Variants in ETFA observed in about 807,000 individuals in gnomAD.
ETFA encodes the protein electron transfer flavoprotein subunit alpha.
ETFA carries 22 observed loss-of-function variants against 46.2 expected under a neutral mutation model. That is an observed-to-expected ratio of 0.48 (90% CI 0.34 to 0.68). ETFA has a LOEUF of 0.68. Ranked by LOEUF, ETFA falls within the 30% of genes least tolerant of loss-of-function variation. The pLI is 0.01. For synonymous variants in ETFA, 131 were observed against 139.9 expected, an observed-to-expected ratio of 0.94 and a Z score of 0.45; for missense variants, 345 against 401.1, an observed-to-expected ratio of 0.86 and a Z score of 1.19.
chr15:76,294,310 A>G (rs1000811855), intron 2 of ETFA, among the ~76,000 whole-genome samples: 1 of 152,252 alleles, frequency 6.6e-6, no homozygotes, highest in African/African-American at 2.4e-5. Context: ...TAGCTTAGCC[A>G]TCATATACTG....
intron 9 of ETFA, among the ~76,000 whole-genome samples, chr15:76,248,409 A>C (rs1330382175): frequency 6.6e-6 from 1 of 152,214 alleles, no homozygotes; most frequent in Non-Finnish European, 1.5e-5. Flanking sequence ...TATAAACCAA[A>C]ATGTGAAGGA....
chr15:76,259,077 C>A, intron 9 of ETFA: 1 of 1,580,212 alleles, frequency 6.3e-7, no homozygotes, highest in Non-Finnish European at 8.7e-7. Context: ...CTCTGCCTGC[C>A]CTGGCTGCTC....
intron 9 of ETFA, among the ~76,000 whole-genome samples, chr15:76,242,418 T>C (rs2039202194): frequency 6.6e-6 from 1 of 152,192 alleles, no homozygotes; most frequent in Non-Finnish European, 1.5e-5. Context: ...TTTCTTGACA[T>C]TTAATCATAA....
Position 76,294,337 on chromosome 15 carries a change from A to T in ETFA, c.186+1254T>A, listed in dbSNP as rs532523403. 4.6e-5 allele frequency among the ~76,000 whole-genome samples: 7 copies of T among 152,364 alleles called. No homozygotes were observed. The East Asian group carries it at 1.3e-3, about 29-fold the overall frequency. Reference sequence around the variant, plus strand: ...CATATACTGTGGCTAATACAGACATACAAATAGATAGCTTAGCCATCACAC... The same window carrying T: ...CATATACTGTGGCTAATACAGACATTCAAATAGATAGCTTAGCCATCACAC... On this transcript the variant is annotated intron_variant, in intron 2 of 11. Coordinates refer to ENST00000557943, the MANE Select transcript of ETFA (RefSeq NM_000126.4).
chr15:76,271,093 C>G (rs147029303), intron 9 of ETFA, among the ~76,000 whole-genome samples: 1 of 150,926 alleles, frequency 6.6e-6, no homozygotes, highest in Non-Finnish European at 1.5e-5. Context: ...TCATTTGCAC[C>G]CTGAAGGCAG....
chr15:76,221,729 G>C (rs1169681205), intron 11 of ETFA, among the ~76,000 whole-genome samples: 2 of 152,166 alleles, frequency 1.3e-5, no homozygotes, highest in Admixed American at 6.5e-5. Context: ...GATGTCCAGA[G>C]ATTAAATAAC....
At chr15:76,240,504 G>C (rs2460141) in intron 9 of ETFA, among the ~76,000 whole-genome samples, 141,077 of 152,246 alleles carry the variant, frequency 0.93, 66,270 homozygotes, top group East Asian at 1. Context: ...CATTATGTAC[G>C]TCACATTTTT....
At chr15:76,260,365 G>C in intron 9 of ETFA, 2 of 1,462,000 alleles carry the variant, frequency 1.4e-6, no homozygotes, top group South Asian at 1.1e-5. Context: ...AGCAAGATGA[G>C]GGCCAGGGCA....
intron 9 of ETFA, among the ~76,000 whole-genome samples, chr15:76,273,522 T>C (rs894412396): frequency 2.0e-5 from 3 of 151,802 alleles, no homozygotes; most frequent in African/African-American, 7.3e-5. Flanking sequence ...ACCACTGTAC[T>C]CCAGCCTGGG....
intron 9 of ETFA, among the ~76,000 whole-genome samples, chr15:76,271,866 CGT>C (rs1010540045): frequency 2.0e-5 from 3 of 150,906 alleles, no homozygotes; most frequent in Non-Finnish European, 4.4e-5. Context: ...ACATAAATTA[CGT>C]GTGTATATAT....
intron 1 of ETFA, among the ~76,000 whole-genome samples, chr15:76,300,165 A>C (rs548303828): frequency 6.6e-6 from 1 of 152,294 alleles, no homozygotes; most frequent in African/African-American, 2.4e-5. Context: ...AGTGGCTCAA[A>C]TATTTTATAT....
chr15:76,281,177 A>G (rs1211264213), intron 8 of ETFA, among the ~76,000 whole-genome samples: 2 of 151,748 alleles, frequency 1.3e-5, no homozygotes, highest in African/African-American at 2.4e-5. Flanking sequence ...GCTAATTTTT[A>G]TATTTTTAGT....
chr15:76,239,693 T>C (rs2039165199), intron 9 of ETFA, among the ~76,000 whole-genome samples: 1 of 151,844 alleles, frequency 6.6e-6, no homozygotes, highest in South Asian at 2.1e-4. Flanking sequence ...AAGTCACCAG[T>C]CTGTTAAAAG....
intron 9 of ETFA, among the ~76,000 whole-genome samples, chr15:76,263,028 T>C (rs2039432794): frequency 6.6e-6 from 1 of 152,168 alleles, no homozygotes; most frequent in South Asian, 2.1e-4. Context: ...TGCTGGCTCC[T>C]TGCTTCTAGC....
At chr15:76,259,944 G>A (rs1311565897) in intron 9 of ETFA, 1 of 1,370,306 alleles carries the variant, frequency 7.3e-7, no homozygotes, top group East Asian at 2.3e-5. Flanking sequence ...CAGAGGCTCA[G>A]AGGCTTACCC....
chr15:76,240,913 C>A (rs1234581566), intron 9 of ETFA, among the ~76,000 whole-genome samples: 3 of 151,024 alleles, frequency 2.0e-5, no homozygotes, highest in Admixed American at 1.3e-4. Flanking sequence ...GACCCCACCT[C>A]TAAAAATATT....
chr15:76,307,910 C>T (rs2039953588), intron 1 of ETFA, among the ~76,000 whole-genome samples: 1 of 152,064 alleles, frequency 6.6e-6, no homozygotes, highest in Non-Finnish European at 1.5e-5. Flanking sequence ...TATCCTCTTC[C>T]TAAATGCATT....
chr15:76,309,986 C>G (rs2039975170), intron 1 of ETFA: 1 of 149,362 alleles, frequency 6.7e-6, no homozygotes, highest in South Asian at 1.9e-4. Flanking sequence ...AATTCCAGGA[C>G]TTTGGGAGGC....
At chr15:76,269,481 C>G (rs2039506701) in intron 9 of ETFA, among the ~76,000 whole-genome samples, 1 of 152,162 alleles carries the variant, frequency 6.6e-6, no homozygotes. Context: ...TCCTTTCAAC[C>G]CCCACATCCT....
Sources: gnomAD v4.1 joint callset for allele counts (sites outside exome capture counted in the v4.1 genomes callset) on GRCh38, gnomAD v4.1.1 for gene constraint, MANE v1.5 for transcripts, NCBI Gene and HGNC (gene_info 2026-07-23, HGNC 2026-07-21) for gene names.